Variants in INPP4B observed in about 807,000 individuals in gnomAD.
INPP4B encodes inositol polyphosphate 4-phosphatase type II.
Under a neutral mutation model 122.5 loss-of-function variants are expected in INPP4B, and 55 were observed. That is an observed-to-expected ratio of 0.45 (90% CI 0.36 to 0.56). INPP4B has a LOEUF of 0.56. INPP4B is among the 20% of genes least tolerant of loss of function. The pLI, the probability that INPP4B is intolerant of heterozygous loss-of-function variation, is 0.00. For synonymous variants in INPP4B, 403 were observed against 388.7 expected (o/e 1.04, Z -0.43); for missense variants, 1,000 against 1,097.7 (o/e 0.91, Z 1.26).
intron 7 of INPP4B, among the ~76,000 whole-genome samples, chr4:142,378,863 A>G (rs1792998530): frequency 6.6e-6 from 1 of 152,162 alleles, no homozygotes; most frequent in South Asian, 2.1e-4. Flanking sequence ...CCTTGTTGCT[A>G]TGAAGCCACA....
At chr4:142,779,705 G>T (rs1774507023) in intron 1 of INPP4B, among the ~76,000 whole-genome samples, 1 of 151,698 alleles carries the variant, frequency 6.6e-6, no homozygotes, top group South Asian at 2.1e-4. Flanking sequence ...GGGTATATCT[G>T]GTTTTTAAAC....
intron 18 of INPP4B, among the ~76,000 whole-genome samples, chr4:142,144,472 C>T (rs961746645): frequency 2.6e-5 from 4 of 151,986 alleles, no homozygotes; most frequent in African/African-American, 9.7e-5. Context: ...CTGGCCCATA[C>T]TTGATAATCA....
intron 7 of INPP4B, among the ~76,000 whole-genome samples, chr4:142,345,147 G>C (rs1379897288): frequency 6.6e-6 from 1 of 151,794 alleles, no homozygotes; most frequent in African/African-American, 2.4e-5. Context: ...TTCTTATTTG[G>C]GGAAATATAC....
At chr4:142,434,679 T>C (rs1810051580) in intron 3 of INPP4B, among the ~76,000 whole-genome samples, 2 of 152,176 alleles carry the variant, frequency 1.3e-5, no homozygotes. Context: ...GTTGGCTTTC[T>C]AGGCCAAGAA....
chr4:142,553,299 A>G (rs1728409708), intron 2 of INPP4B, among the ~76,000 whole-genome samples: 1 of 152,208 alleles, frequency 6.6e-6, no homozygotes, highest in African/African-American at 2.4e-5. Context: ...TCTCTTTTGA[A>G]ACCTAGACTT....
chr4:142,372,267 CAG>C (rs932483064), intron 7 of INPP4B, among the ~76,000 whole-genome samples: 9 of 151,790 alleles, frequency 5.9e-5, no homozygotes, highest in African/African-American at 1.9e-4. Context: ...TAATGGTTAC[CAG>C]AGTCTGGGAA....
At chr4:142,104,946 T>C (rs559127381) in intron 23 of INPP4B, among the ~76,000 whole-genome samples, 40 of 152,290 alleles carry the variant, frequency 2.6e-4, no homozygotes, top group African/African-American at 8.7e-4. Flanking sequence ...CTGGGGTTGA[T>C]TGAATCTGCC....
intron 23 of INPP4B, among the ~76,000 whole-genome samples, chr4:142,102,713 C>G (rs558028078): frequency 6.6e-6 from 1 of 152,170 alleles, no homozygotes; most frequent in African/African-American, 2.4e-5. Context: ...ACTACATTTA[C>G]AGTCTCTACA....
chr4:142,356,277 G>C (rs1157856582), intron 7 of INPP4B, among the ~76,000 whole-genome samples: 3 of 148,476 alleles, frequency 2.0e-5, no homozygotes, highest in Non-Finnish European at 4.5e-5. Flanking sequence ...GAGGAGAGCA[G>C]TGAGTGTTGA....
chr4:142,694,168 T>C (rs1353796856), intron 2 of INPP4B, among the ~76,000 whole-genome samples: 1 of 151,704 alleles, frequency 6.6e-6, no homozygotes, highest in Admixed American at 6.6e-5. Flanking sequence ...AGGTCGGGAG[T>C]TCCAGACCAG....
intron 7 of INPP4B, among the ~76,000 whole-genome samples, chr4:142,385,720 C>G (rs1045984062): frequency 1.5e-4 from 23 of 152,072 alleles, no homozygotes; most frequent in Non-Finnish European, 2.9e-4. Flanking sequence ...ATCCATTCTC[C>G]CACAGCCAAG....
chr4:142,490,368 C>T (rs911469670), intron 2 of INPP4B, among the ~76,000 whole-genome samples: 1 of 152,002 alleles, frequency 6.6e-6, no homozygotes, highest in Non-Finnish European at 1.5e-5. Context: ...GGATTACAGG[C>T]CTGAACCACC....
At chr4:142,561,859 G>A (rs1580372860) in intron 2 of INPP4B, among the ~76,000 whole-genome samples, 1 of 152,086 alleles carries the variant, frequency 6.6e-6, no homozygotes, top group African/African-American at 2.4e-5. Flanking sequence ...AAATGTTTAT[G>A]TGCGCACTGT....
chr4:142,044,684 G>T (rs1466108866), intron 25 of INPP4B, among the ~76,000 whole-genome samples: 1 of 152,086 alleles, frequency 6.6e-6, no homozygotes, highest in Non-Finnish European at 1.5e-5. Flanking sequence ...ATGAAATGAG[G>T]ATGCTTGGAG....
At position 142,237,823 on chromosome 4, in the gene INPP4B, T is replaced by C. The variant is rs193210635; in HGVS notation, c.836+41A>G. 16 of 1,243,928 alleles carry C rather than the reference T, an allele frequency of 1.3e-5. No individual in the cohort carries two copies. In the Admixed American group the frequency reaches 2.4e-4, roughly 18 times the overall value. The allele number at this position is 1,243,928 out of a possible 1,614,324, so 77.1% of individuals were successfully genotyped here. A position where few individuals can be genotyped will look rare whatever the true frequency, so the allele number is the denominator to read the frequency against. ...GTCAATTAAAAATTTTTAAATGGTATAAAATAATTAATATGAGAGAAAATA... is the reference window on the plus strand; with the variant it reads ...GTCAATTAAAAATTTTTAAATGGTACAAAATAATTAATATGAGAGAAAATA... On this transcript the variant is annotated intron_variant, in intron 12 of 25. Transcript: ENST00000262992.
chr4:142,324,613 T>C (rs1177481254), intron 7 of INPP4B, among the ~76,000 whole-genome samples: 1 of 152,110 alleles, frequency 6.6e-6, no homozygotes, highest in Non-Finnish European at 1.5e-5. Flanking sequence ...AAAACCTTGA[T>C]ATTCAGACTT....
chr4:142,749,242 T>C (rs111889964), intron 1 of INPP4B, among the ~76,000 whole-genome samples: 9,327 of 146,622 alleles, frequency 0.064, 322 homozygotes, highest in Middle Eastern at 0.12. Context: ...ATAATATATA[T>C]AATGTCTTAC....
At chr4:142,065,880 A>C (rs905842740) in intron 25 of INPP4B, among the ~76,000 whole-genome samples, 1 of 152,178 alleles carries the variant, frequency 6.6e-6, no homozygotes, top group African/African-American at 2.4e-5. Flanking sequence ...GTGAGGTATA[A>C]GGGAAGGGAT....
At chr4:142,196,280 C>T (rs538524527) in intron 14 of INPP4B, among the ~76,000 whole-genome samples, 1 of 152,082 alleles carries the variant, frequency 6.6e-6, no homozygotes, top group Non-Finnish European at 1.5e-5. Context: ...ATATTTTTAC[C>T]AAGGACTATG....
Sources: gnomAD v4.1 joint callset for allele counts (sites outside exome capture counted in the v4.1 genomes callset) on GRCh38, gnomAD v4.1.1 for gene constraint, MANE v1.5 for transcripts, NCBI Gene and HGNC (gene_info 2026-07-23, HGNC 2026-07-21) for gene names.